The following MSRA variants were observed in gnomAD, a reference collection of about 807,000 sequenced individuals.
The protein encoded by MSRA is methionine sulfoxide reductase A, also known as mitochondrial peptide methionine sulfoxide reductase.
In MSRA, 54 loss-of-function variants were observed where a neutral mutation model predicts 31.3. The observed-to-expected ratio is 1.73, with a 90% CI of 1.39 to 2.17. The LOEUF is 2.17. Among genes scored for constraint, MSRA ranks in the 30% most tolerant of loss-of-function variants. The pLI, the probability that MSRA is intolerant of heterozygous loss-of-function variation, is 0.00. For missense variants in MSRA, 507 were observed against 300.9 expected (o/e 1.69, Z -5.07); for synonymous variants, 169 against 116.5 (o/e 1.45, Z -2.90).
At chr8:10,130,228 G>C (rs146899049) in intron 1 of MSRA, among the ~76,000 whole-genome samples, 125 of 152,280 alleles carry the variant, frequency 8.2e-4, no homozygotes, top group African/African-American at 2.9e-3. Flanking sequence ...ACTGTATACT[G>C]ACAGTGTGGA....
intron 1 of MSRA, among the ~76,000 whole-genome samples, chr8:10,190,560 A>G (rs2129053301): frequency 1.3e-5 from 2 of 152,276 alleles, no homozygotes; most frequent in Middle Eastern, 3.4e-3. Flanking sequence ...CACCTTCTCC[A>G]AGACATCTGA....
intron 3 of MSRA, among the ~76,000 whole-genome samples, chr8:10,289,955 A>T (rs987953056): frequency 1.1e-4 from 16 of 152,314 alleles, no homozygotes; most frequent in Admixed American, 9.1e-4. Context: ...TAAGTTCCCA[A>T]AGTGCTTTGT....
intron 1 of MSRA, among the ~76,000 whole-genome samples, chr8:10,069,802 T>A (rs1475357922): frequency 6.6e-6 from 1 of 152,236 alleles, no homozygotes; most frequent in Non-Finnish European, 1.5e-5. Flanking sequence ...ACCAAAGTGA[T>A]GTTCTTTATC....
At chr8:10,061,783 G>T (rs1489245431) in intron 1 of MSRA, among the ~76,000 whole-genome samples, 1 of 152,208 alleles carries the variant, frequency 6.6e-6, no homozygotes, top group African/African-American at 2.4e-5. Flanking sequence ...AGTGGTGATA[G>T]ATTTTGGCTG....
In MSRA at chr8:10,054,474, G is replaced by A; in HGVS notation, c.-43G>A. The stretch of plus-strand genomic sequence containing the variant: ...CGTTCCGGCTGCGGCTCCGCTGCCG[G>A]TAGCGCCGTCCCCCGGGACCACCCT... On this transcript the variant is annotated 5_prime_UTR_variant, in exon 1 of 6. Transcript: ENST00000317173. 6.5e-7 allele frequency: 1 copy of A among 1,541,604 alleles called. No individual in the cohort carries two copies. The highest frequency in any genetic ancestry group is 1.2e-5 in the South Asian group (1 of 84,878).
rs1801587125 is a variant in MSRA, at chr8:10,314,145, AT to A, written c.437-5735del. Among the ~76,000 whole-genome samples, 2 of 152,214 alleles carry A rather than the reference AT, an allele frequency of 1.3e-5. 1 individual carries two copies. The highest frequency in any genetic ancestry group is 4.1e-4 in the South Asian group (2 of 4,838). On this transcript the variant is annotated intron_variant, in intron 4 of 5. Transcript: ENST00000317173. ...ACCGTAAAGGAAAAATATTTGACAA[AT>A]TTAACTATATCAAAATCTGACAACT...
chr8:10,253,935 A>T (rs1364019854), intron 3 of MSRA, among the ~76,000 whole-genome samples: 3 of 152,162 alleles, frequency 2.0e-5, no homozygotes, highest in Non-Finnish European at 4.4e-5. Context: ...GCAACAAGAC[A>T]GAAAAACACG....
intron 1 of MSRA, among the ~76,000 whole-genome samples, chr8:10,139,082 A>T (rs990614356): frequency 6.6e-6 from 1 of 152,198 alleles, no homozygotes; most frequent in African/African-American, 2.4e-5. Context: ...ATCCCATTAG[A>T]AGGATCAATT....
At chr8:10,354,752 ATAT>A (rs1804408699) in intron 5 of MSRA, among the ~76,000 whole-genome samples, 1 of 63,770 alleles carries the variant, frequency 1.6e-5, no homozygotes, top group African/African-American at 5.2e-5. Context: ...GTGTGTGTGT[ATAT>A]ATATATATAT....
At chr8:10,191,286 C>G (rs74806783) in intron 1 of MSRA, among the ~76,000 whole-genome samples, 1 of 152,150 alleles carries the variant, frequency 6.6e-6, no homozygotes, top group Non-Finnish European at 1.5e-5. Context: ...CCAGACTCAC[C>G]TAACCAACTG....
intron 3 of MSRA, among the ~76,000 whole-genome samples, chr8:10,253,275 A>T (rs1305121394): frequency 6.6e-6 from 1 of 152,032 alleles, no homozygotes; most frequent in Non-Finnish European, 1.5e-5. Context: ...TGGTTTATGG[A>T]CTCTCTAAAG....
chr8:10,085,568 G>T (rs1489382566), intron 1 of MSRA, among the ~76,000 whole-genome samples: 1 of 152,136 alleles, frequency 6.6e-6, no homozygotes, highest in African/African-American at 2.4e-5. Context: ...TGGTTTCTAT[G>T]TTAATATTTT....
chr8:10,143,276 A>G (rs1268977117), intron 1 of MSRA, among the ~76,000 whole-genome samples: 2 of 152,164 alleles, frequency 1.3e-5, no homozygotes, highest in Non-Finnish European at 2.9e-5. Context: ...GTGTTTAGAA[A>G]AAAGAGAGGG....
At chr8:10,390,092 G>A (rs1806645759) in intron 5 of MSRA, among the ~76,000 whole-genome samples, 1 of 152,198 alleles carries the variant, frequency 6.6e-6, no homozygotes, top group Non-Finnish European at 1.5e-5. Flanking sequence ...GTTGCCACCT[G>A]TGCCACATTC....
intron 1 of MSRA, among the ~76,000 whole-genome samples, chr8:10,185,672 T>C (rs1326028987): frequency 1.3e-5 from 2 of 152,152 alleles, no homozygotes; most frequent in Non-Finnish European, 2.9e-5. Context: ...AGCCAGGCCC[T>C]GGTGGTATTT....
At chr8:10,405,321 C>T (rs1272149029) in intron 5 of MSRA, among the ~76,000 whole-genome samples, 1 of 152,110 alleles carries the variant, frequency 6.6e-6, no homozygotes, top group Non-Finnish European at 1.5e-5. Flanking sequence ...GGAGCACCTG[C>T]CCCTCCCTCC....
intron 3 of MSRA, among the ~76,000 whole-genome samples, chr8:10,249,924 T>A (rs760715020): frequency 1.6e-4 from 25 of 152,170 alleles, no homozygotes; most frequent in Non-Finnish European, 4.4e-5. Flanking sequence ...CTTACTTGAA[T>A]AAATTAAATA....
chr8:10,210,374 G>A (rs868427405), intron 2 of MSRA, among the ~76,000 whole-genome samples: 7 of 152,314 alleles, frequency 4.6e-5, no homozygotes, highest in African/African-American at 1.4e-4. Context: ...AAGGAACCAT[G>A]GGAAGGCCTT....
chr8:10,295,315 G>A (rs887154894), intron 3 of MSRA, among the ~76,000 whole-genome samples: 5 of 152,068 alleles, frequency 3.3e-5, no homozygotes, highest in East Asian at 1.9e-4. Flanking sequence ...GGGGACCGTC[G>A]CACTGCGCTG....
Sources: allele counts gnomAD v4.1 joint callset (sites outside exome capture counted in the v4.1 genomes callset), GRCh38; gene constraint gnomAD v4.1.1; transcripts MANE v1.5; gene names NCBI Gene and HGNC (gene_info 2026-07-23, HGNC 2026-07-21).